The following VGLL4 variants were observed in gnomAD, a reference collection of about 807,000 sequenced individuals.
VGLL4 encodes the protein transcription cofactor vestigial-like protein 4.
Under a neutral mutation model 21.0 loss-of-function variants are expected in VGLL4, and 7 were observed. The ratio of observed to expected loss-of-function variants is 0.33; its 90% CI spans 0.19 to 0.63. The LOEUF is 0.63. VGLL4 is among the 20% of genes least tolerant of loss of function. The pLI, the probability that VGLL4 is intolerant of heterozygous loss-of-function variation, is 0.78. For missense variants in VGLL4, 394 were observed against 425.7 expected, an observed-to-expected ratio of 0.93 and a Z score of 0.66; for synonymous variants, 222 against 173.2, an observed-to-expected ratio of 1.28 and a Z score of -2.21.
At chr3:11,704,383 C>CAAAAAAA (rs57593843) in intron 1 of VGLL4, among the ~76,000 whole-genome samples, 365 of 68,456 alleles carry the variant, frequency 5.3e-3, no homozygotes, top group Middle Eastern at 0.033. Context: ...AACTCCGTCT[C>CAAAAAAA]AAAAAAAAAA....
At chr3:11,569,209 A>C (rs1454656152) in intron 2 of VGLL4, among the ~76,000 whole-genome samples, 2 of 152,210 alleles carry the variant, frequency 1.3e-5, no homozygotes, top group African/African-American at 4.8e-5. Flanking sequence ...CTTAGCCCTT[A>C]GCCCCATCAC....
chr3:11,635,463 C>G (rs2075567985), intron 1 of VGLL4, among the ~76,000 whole-genome samples: 1 of 152,186 alleles, frequency 6.6e-6, no homozygotes, highest in Admixed American at 6.5e-5. Flanking sequence ...GGCAGGGAAG[C>G]AACATGTGGT....
rs1346105964 is a variant in VGLL4, at chr3:11,556,448, G to C, written c.*2108C>G. On this transcript the variant is annotated 3_prime_UTR_variant, in exon 5 of 5. Coordinates refer to ENST00000430365, the MANE Select transcript of VGLL4 (RefSeq NM_001128219.3). ...TTCACTGACAAAGAGACCTGTCCCA[G>C]GAGTGTCCTCCACCGAGCCGGTCAG... The C allele has an allele frequency of 6.5e-6, 1 of 152,748 alleles. No individual in the cohort carries two copies. The highest frequency in any genetic ancestry group is 1.5e-5 in the Non-Finnish European group (1 of 68,070). 9.5% of individuals were successfully genotyped at this position (152,748 alleles called of 1,614,324 possible). A position where few individuals can be genotyped will look rare whatever the true frequency, so the allele number is the denominator to read the frequency against.
rs55892845 is a variant in VGLL4 at position 11,604,469 on chromosome 3, G to A, written c.83-2447C>T. 1,923 of 957,198 alleles carry A rather than the reference G, an allele frequency of 2.0e-3. 228 individuals are homozygous for A. In the African/African-American group the frequency reaches 0.032, roughly 16 times the overall value. The allele number at this position is 957,198 out of a possible 1,614,324, so 59.3% of individuals were successfully genotyped here. A position where few individuals can be genotyped will look rare whatever the true frequency, so the allele number is the denominator to read the frequency against. On this transcript the variant is annotated intron_variant, in intron 1 of 4. Transcript: ENST00000430365. ...CGCACATAAGGTCAGGGACAGGTCCGTTCAGTTATGTGCCTTTATGCATCT... is the reference window on the plus strand; with the variant it reads ...CGCACATAAGGTCAGGGACAGGTCCATTCAGTTATGTGCCTTTATGCATCT...
At position 11,694,908 on chromosome 3, in the gene VGLL4, T is replaced by C. The variant is rs1415864325; in HGVS notation, c.64+8063A>G. ...TGTCACGGCTAGCTTTTATTGGCTA[T>C]ATTTAGTTTATAAATGTGTATTCTA... On this transcript the variant is annotated intron_variant, in intron 2 of 5. Coordinates refer to the VGLL4 transcript ENST00000273038. 2.0e-5 allele frequency among the ~76,000 whole-genome samples: 3 copies of C among 152,226 alleles called. No individual in the cohort carries two copies. The East Asian group carries it at 5.8e-4, about 29-fold the overall frequency.
In VGLL4 at chr3:11,557,432, G is replaced by A. The variant is rs1280188665; in HGVS notation, c.*1124C>T. 1 of 152,722 alleles carries A rather than the reference G, an allele frequency of 6.5e-6. No homozygotes were observed. The highest frequency in any genetic ancestry group is 1.9e-4 in the East Asian group (1 of 5,318). 9.5% of individuals were successfully genotyped at this position (152,722 alleles called of 1,614,324 possible). A position where few individuals can be genotyped will look rare whatever the true frequency, so the allele number is the denominator to read the frequency against. On this transcript the variant is annotated 3_prime_UTR_variant, in exon 5 of 5. Coordinates refer to ENST00000430365, the MANE Select transcript of VGLL4 (RefSeq NM_001128219.3). ...GACACAAACCCCACCTCCCCTGGGA[G>A]CTTGTAACAAAGCAGACAGGGATGC...
At chr3:11,671,179 T>C in intron 2 of VGLL4, 1 of 1,445,598 alleles carries the variant, frequency 6.9e-7, no homozygotes, top group Middle Eastern at 1.8e-4. Context: ...ACACTTTTCT[T>C]TGCAATACTA....
chr3:11,596,572 T>G (rs931182844), intron 2 of VGLL4, among the ~76,000 whole-genome samples: 56 of 152,252 alleles, frequency 3.7e-4, no homozygotes, highest in African/African-American at 1.3e-3. Context: ...CCCTGGAGCA[T>G]CGCCAGGAAC....
chr3:11,563,560 C>T (rs764667126), intron 3 of VGLL4, among the ~76,000 whole-genome samples: 8 of 152,248 alleles, frequency 5.3e-5, no homozygotes, highest in African/African-American at 1.9e-4. Flanking sequence ...TGGCTGCCCA[C>T]AGCTCTGCTC....
chr3:11,718,601 A>G (rs2076949264), intron 1 of VGLL4, among the ~76,000 whole-genome samples: 1 of 148,252 alleles, frequency 6.7e-6, no homozygotes, highest in South Asian at 2.1e-4. Context: ...CTAATAGGCA[A>G]ATTAATTTTT....
rs376938719 is a variant in VGLL4 at position 11,694,548 on chromosome 3, TA to T, written c.64+8422del. ...GAGTCAGGAGAATTGCTTGAATCTG[TA>T]GGGCAGAGGTTGCAGTAAGCCAAGA... is the stretch of plus-strand genomic sequence containing the variant. On this transcript the variant is annotated intron_variant, in intron 2 of 5. Transcript: ENST00000273038. Among the ~76,000 whole-genome samples the T allele has an allele frequency of 9.9e-5, 15 of 151,720 alleles. No homozygotes were observed. In the South Asian group the frequency reaches 2.9e-3, roughly 29 times the overall value.
upstream of VGLL4, among the ~76,000 whole-genome samples, chr3:11,648,787 C>A (rs1209441950): frequency 6.6e-6 from 1 of 152,090 alleles, no homozygotes; most frequent in East Asian, 1.9e-4. Context: ...AAAAACTATT[C>A]AACCTTACTA....
At chr3:11,711,355 T>C (rs1187699646) in intron 1 of VGLL4, among the ~76,000 whole-genome samples, 1 of 151,666 alleles carries the variant, frequency 6.6e-6, no homozygotes, top group Non-Finnish European at 1.5e-5. Flanking sequence ...CCGGCTAACA[T>C]GGTGAAACCC....
rs1182541974 is a variant in VGLL4, at chr3:11,604,673, T to C, written c.83-2651A>G. 4 of 490,954 alleles carry C rather than the reference T, an allele frequency of 8.1e-6. No homozygotes were observed. In the East Asian group the frequency reaches 6.3e-4, roughly 77 times the overall value. 30.4% of individuals were successfully genotyped at this position (490,954 alleles called of 1,614,324 possible). A position where few individuals can be genotyped will look rare whatever the true frequency, so the allele number is the denominator to read the frequency against. On this transcript the variant is annotated intron_variant, in intron 1 of 4. Transcript: ENST00000430365. ...CTCCTTTATTTAGGATGGGGTGAAT[T>C]TGGGCACGTGCTTCCCCTCTCTGGG...
chr3:11,670,486 G>A lies in VGLL4; in HGVS notation c.64+32485C>T, dbSNP rs573138104. Among the ~76,000 whole-genome samples, 12 of 152,244 alleles carry A rather than the reference G, an allele frequency of 7.9e-5. No homozygotes were observed. The South Asian group carries it at 8.3e-4, about 11-fold the overall frequency. ...AACAGCCCTTTTGGGAGGTATGCACGCAGCTCTACTTAAGATTTGATTGAA... is the reference window on the plus strand; with the variant it reads ...AACAGCCCTTTTGGGAGGTATGCACACAGCTCTACTTAAGATTTGATTGAA... On this transcript the variant is annotated intron_variant, in intron 2 of 5. Coordinates refer to the VGLL4 transcript ENST00000273038.
At chr3:11,654,478 T>G (rs1274992336) in intron 2 of VGLL4, among the ~76,000 whole-genome samples, 1 of 152,178 alleles carries the variant, frequency 6.6e-6, no homozygotes, top group African/African-American at 2.4e-5. Flanking sequence ...GGTCTTACTT[T>G]TAACTAAAAA....
At chr3:11,650,058 G>T (rs1397987236) in intron 2 of VGLL4, among the ~76,000 whole-genome samples, 2 of 152,048 alleles carry the variant, frequency 1.3e-5, no homozygotes, top group African/African-American at 4.8e-5. Context: ...TTCCAACTCA[G>T]CAGGACCACA....
In VGLL4 at chr3:11,565,221, A is replaced by T. The variant is rs900353742; in HGVS notation, c.273-202T>A. 3.3e-5 allele frequency among the ~76,000 whole-genome samples: 5 copies of T among 152,128 alleles called. No individual in the cohort carries two copies. The highest frequency in any genetic ancestry group is 1.2e-4 in the African/African-American group (5 of 41,432). On this transcript the variant is annotated intron_variant, in intron 2 of 4. Transcript: ENST00000430365. The surrounding 1 kb of genome is among the most constrained non-coding windows in gnomAD (Gnocchi z 4.1). ...TCTGGGTGCCGGAGAAGCTGCTGCC[A>T]GCGGAGTCCAAAGTCAGCTCCATAG...
chr3:11,593,310 T>C (rs2074548994), intron 2 of VGLL4, among the ~76,000 whole-genome samples: 1 of 152,186 alleles, frequency 6.6e-6, no homozygotes, highest in African/African-American at 2.4e-5. Context: ...AAACTACAGA[T>C]ACTGCAGAAC....
Sources: allele counts gnomAD v4.1 joint callset (sites outside exome capture counted in the v4.1 genomes callset), GRCh38; gene constraint gnomAD v4.1.1; non-coding constraint Gnocchi (gnomAD v3.1); transcripts MANE v1.5; gene names NCBI Gene and HGNC (gene_info 2026-07-23, HGNC 2026-07-21).